TMEM200A: variants seen among roughly 807,000 people sequenced by gnomAD.
The protein encoded by TMEM200A is two transmembrane C.
Under a neutral mutation model 24.3 loss-of-function variants are expected in TMEM200A, and 12 were observed. That is an observed-to-expected ratio of 0.49 (90% CI 0.32 to 0.80). TMEM200A has a LOEUF of 0.80. TMEM200A is among the 30% of genes least tolerant of loss of function. The pLI is 0.04. For missense variants in TMEM200A, 545 were observed against 614.4 expected, an observed-to-expected ratio of 0.89 and a Z score of 1.19; for synonymous variants, 224 against 224.4, an observed-to-expected ratio of 1.00 and a Z score of 0.02.
chr6:130,381,934 C>T (rs554403394), intron 1 of TMEM200A: 11 of 985,430 alleles, frequency 1.1e-5, no homozygotes, highest in Admixed American at 1.2e-4. Flanking sequence ...CTTCCTCTTC[C>T]GTTCACTCCA....
chr6:130,381,376 T>C (rs1583178187), intron 1 of TMEM200A, among the ~76,000 whole-genome samples: 1 of 152,300 alleles, frequency 6.6e-6, no homozygotes, highest in African/African-American at 2.4e-5. Flanking sequence ...CAAAAAAATA[T>C]AGTTTTGTTT....
chr6:130,369,788 A>G (rs1050733823), intron 1 of TMEM200A, among the ~76,000 whole-genome samples: 1 of 152,228 alleles, frequency 6.6e-6, no homozygotes, highest in Admixed American at 6.5e-5. Context: ...CACAGAAGGC[A>G]TAGAAATCTA....
intron 2 of TMEM200A, among the ~76,000 whole-genome samples, chr6:130,391,843 C>T (rs1254846902): frequency 7.0e-6 from 1 of 142,936 alleles, no homozygotes. Flanking sequence ...CCTGGGTTAA[C>T]ACCATTCTCC....
At chr6:130,412,189 ATTT>A (rs71762414) in intron 2 of TMEM200A, among the ~76,000 whole-genome samples, 2 of 135,166 alleles carry the variant, frequency 1.5e-5, no homozygotes, top group African/African-American at 5.7e-5. Flanking sequence ...CAGAAGCCTG[ATTT>A]TTTTTTTTTT....
chr6:130,369,171 A>G (rs1426726120), intron 1 of TMEM200A, among the ~76,000 whole-genome samples: 1 of 152,244 alleles, frequency 6.6e-6, no homozygotes, highest in East Asian at 1.9e-4. Flanking sequence ...AATAATAAAA[A>G]TACCAGCTTT....
At chr6:130,428,331 A>T (rs1779795869) in intron 2 of TMEM200A, among the ~76,000 whole-genome samples, 1 of 152,148 alleles carries the variant, frequency 6.6e-6, no homozygotes, top group African/African-American at 2.4e-5. Context: ...CAGATATTTA[A>T]TATTGTCATT....
intron 2 of TMEM200A, among the ~76,000 whole-genome samples, chr6:130,432,696 C>A (rs564350585): frequency 5.2e-4 from 79 of 152,300 alleles, no homozygotes; most frequent in African/African-American, 1.7e-3. Flanking sequence ...CAAAAGTAAG[C>A]ATTATATACA....
Position 130,440,652 on chromosome 6 carries a change from C to G in TMEM200A, c.230C>G (p.Ala77Gly). ...GTGCTCATCTCCATTATAGGAATTG[C>G]TATGGCCGTTCTTGGATATTGGCCC... is the stretch of plus-strand genomic sequence containing the variant. ...LGVLISIIGI[A>G]MAVLGYWPQK... Residue 77 changes from alanine (A) to glycine (G), a missense_variant, in exon 3 of 3, where the codon GCT becomes GGT. Transcript: ENST00000296978. 1 of 1,613,784 alleles carries G rather than the reference C, an allele frequency of 6.2e-7. No individual in the cohort carries two copies. Among genetic ancestry groups the G allele is most frequent in the Non-Finnish European group, 8.5e-7 (1 of 1,179,720 alleles).
intron 2 of TMEM200A, among the ~76,000 whole-genome samples, chr6:130,391,237 A>C (rs1264515503): frequency 1.3e-5 from 2 of 152,246 alleles, no homozygotes; most frequent in Non-Finnish European, 2.9e-5. Context: ...TACTTAAAGA[A>C]GTTATCAGTT....
Position 130,418,119 on chromosome 6 carries a change from A to G in TMEM200A, c.-16-22288A>G, listed in dbSNP as rs117228872. ...TCACCTCTTGGCATGATTATGCTTT[A>G]AAAAGTCATTTCTCATTCTTGATCA... On this transcript the variant is annotated intron_variant, in intron 2 of 2. Coordinates refer to ENST00000296978, the MANE Select transcript of TMEM200A (RefSeq NM_001258277.2). Among the ~76,000 whole-genome samples the G allele has an allele frequency of 5.8e-4, 88 of 152,132 alleles. No homozygotes were observed. In the East Asian group the frequency reaches 0.016, roughly 27 times the overall value.
At position 130,441,724 on chromosome 6, in the gene TMEM200A, G is replaced by A. The variant is rs1562577547; in HGVS notation, c.1302G>A (p.Glu434=). The A allele has an allele frequency of 6.2e-7, 1 of 1,613,998 alleles. No individual in the cohort carries two copies. Among genetic ancestry groups the A allele is most frequent in the Admixed American group, 1.7e-5 (1 of 60,012 alleles). Residue 434 remains glutamate, a synonymous_variant, in exon 3 of 3, where the codon GAG becomes GAA. Coordinates refer to ENST00000296978, the MANE Select transcript of TMEM200A (RefSeq NM_001258277.2). ...ACAGCAAGGGATATATGAAACTAGA[G>A]AACAAAGAAGACCCGATGGATAGGT... ...RNNSKGYMKL[E]NKEDPMDRLL...
chr6:130,374,102 T>C (rs966816085), intron 1 of TMEM200A, among the ~76,000 whole-genome samples: 1 of 152,172 alleles, frequency 6.6e-6, no homozygotes, highest in Non-Finnish European at 1.5e-5. Flanking sequence ...TGAAAGCCAG[T>C]GTTATACATA....
At chr6:130,378,413 C>A in intron 1 of TMEM200A, among the ~76,000 whole-genome samples, 1 of 152,042 alleles carries the variant, frequency 6.6e-6, no homozygotes, top group South Asian at 2.1e-4. Context: ...ATCATGTGGT[C>A]ATGTGAAAGT....
chr6:130,391,075 T>G (rs1418100356), intron 2 of TMEM200A, among the ~76,000 whole-genome samples: 1 of 152,198 alleles, frequency 6.6e-6, no homozygotes, highest in African/African-American at 2.4e-5. Flanking sequence ...CATACAGCAG[T>G]CACTGCTTTG....
At chr6:130,437,225 A>G (rs1308712029) in intron 2 of TMEM200A, 1 of 152,314 alleles carries the variant, frequency 6.6e-6, no homozygotes, top group Non-Finnish European at 1.5e-5. Flanking sequence ...TGTGCTGGCC[A>G]AGTTCCTATT....
At position 130,379,577 on chromosome 6, in the gene TMEM200A, C is replaced by G. The variant is rs1010414987; in HGVS notation, c.-80-5596C>G. On this transcript the variant is annotated intron_variant, in intron 1 of 2. Transcript: ENST00000296978. ...GGGGTTAACACGATCTGTGGGTGGA[C>G]TTTTCCACCCTCCAATGTCAAACGG... Among the ~76,000 whole-genome samples, 4 of 152,298 alleles carry G rather than the reference C, an allele frequency of 2.6e-5. No homozygotes were observed. In the East Asian group the frequency reaches 5.8e-4, roughly 22 times the overall value.
intron 2 of TMEM200A, among the ~76,000 whole-genome samples, chr6:130,394,479 C>T (rs903185539): frequency 3.3e-5 from 5 of 152,052 alleles, no homozygotes; most frequent in Non-Finnish European, 5.9e-5. Context: ...GGCAGAGGCT[C>T]GAATATTGGC....
intron 2 of TMEM200A, among the ~76,000 whole-genome samples, chr6:130,401,886 C>A (rs574687726): frequency 6.6e-6 from 1 of 151,502 alleles, no homozygotes; most frequent in Admixed American, 6.6e-5. Flanking sequence ...TTGTAAATTG[C>A]CTGTTTATGT....
At chr6:130,401,165 A>C (rs1215382108) in intron 2 of TMEM200A, among the ~76,000 whole-genome samples, 4 of 152,002 alleles carry the variant, frequency 2.6e-5, no homozygotes, top group Admixed American at 2.0e-4. Flanking sequence ...GGTCCATCTT[A>C]CCTCAGAGTG....
Sources: allele counts gnomAD v4.1 joint callset (sites outside exome capture counted in the v4.1 genomes callset), GRCh38; gene constraint gnomAD v4.1.1; transcripts MANE v1.5; gene names NCBI Gene and HGNC (gene_info 2026-07-23, HGNC 2026-07-21).